ARHGAP26: variants seen among roughly 807,000 people sequenced by gnomAD.
The protein encoded by ARHGAP26 is rho GTPase-activating protein 26.
Under a neutral mutation model 104.8 loss-of-function variants are expected in ARHGAP26, and 38 were observed. The observed-to-expected ratio is 0.36, with a 90% confidence interval of 0.28 to 0.48. The LOEUF is 0.48. ARHGAP26 is among the 20% of genes least tolerant of loss of function. The pLI is 0.99. For missense variants in ARHGAP26, 704 were observed against 947.9 expected, an observed-to-expected ratio of 0.74 and a Z score of 3.38; for synonymous variants, 341 against 340.0, an observed-to-expected ratio of 1.00 and a Z score of -0.03.
intron 1 of ARHGAP26, among the ~76,000 whole-genome samples, chr5:142,783,947 C>T (rs1269145232): frequency 1.3e-5 from 2 of 152,256 alleles, no homozygotes; most frequent in East Asian, 1.9e-4. Flanking sequence ...AGCCACACCA[C>T]CCCTGCTGTG....
intron 20 of ARHGAP26, among the ~76,000 whole-genome samples, chr5:143,150,626 A>G (rs1799736304): frequency 6.6e-6 from 1 of 152,232 alleles, no homozygotes. Context: ...TTCCTCTGGT[A>G]CCACTACCAC....
At chr5:142,974,801 T>C (rs60259893) in intron 11 of ARHGAP26, among the ~76,000 whole-genome samples, 10,231 of 152,276 alleles carry the variant, frequency 0.067, 804 homozygotes, top group African/African-American at 0.19. Flanking sequence ...TATTTAGCAT[T>C]GTGAATAGTT....
intron 20 of ARHGAP26, among the ~76,000 whole-genome samples, chr5:143,198,391 A>G (rs1392714184): frequency 6.6e-6 from 1 of 152,196 alleles, no homozygotes; most frequent in Admixed American, 6.5e-5. Flanking sequence ...TTTTTATTCT[A>G]GGCAGTTCTG....
intron 20 of ARHGAP26, among the ~76,000 whole-genome samples, chr5:143,164,004 C>T (rs1441241441): frequency 1.3e-5 from 2 of 151,406 alleles, no homozygotes; most frequent in African/African-American, 2.4e-5. Context: ...TCCTCCCCAC[C>T]CCATTGCAAC....
intron 1 of ARHGAP26, among the ~76,000 whole-genome samples, chr5:142,817,860 T>C (rs1429208014): frequency 6.6e-6 from 1 of 152,194 alleles, no homozygotes; most frequent in Non-Finnish European, 1.5e-5. Context: ...TTACTTAAAA[T>C]TCCTGGACAG....
intron 9 of ARHGAP26, 75 bp downstream of exon 9, chr5:142,907,879 ACACCTCCAG>A: frequency 1.0e-6 from 1 of 978,466 alleles, no homozygotes; most frequent in Non-Finnish European, 1.5e-6. Flanking sequence ...GTATAAAGTA[ACACCTCCAG>A]TGTTATATTT....
At chr5:142,837,489 T>G in intron 1 of ARHGAP26, among the ~76,000 whole-genome samples, 1 of 152,198 alleles carries the variant, frequency 6.6e-6, no homozygotes, top group Non-Finnish European at 1.5e-5. Context: ...CACGTCTCAC[T>G]TGAGCTTCAC....
chr5:143,022,329 T>C (rs1337656926), intron 12 of ARHGAP26, among the ~76,000 whole-genome samples: 1 of 152,226 alleles, frequency 6.6e-6, no homozygotes, highest in Non-Finnish European at 1.5e-5. Flanking sequence ...TGCCTCGGCC[T>C]CCCAAAGTGT....
intron 1 of ARHGAP26, among the ~76,000 whole-genome samples, chr5:142,804,144 G>A (rs114567471): frequency 1.5e-4 from 23 of 152,236 alleles, no homozygotes; most frequent in African/African-American, 5.3e-4. Flanking sequence ...AATATTGCAA[G>A]TATAGGTTGA....
At chr5:143,147,967 C>A (rs1335839137) in intron 20 of ARHGAP26, among the ~76,000 whole-genome samples, 1 of 152,190 alleles carries the variant, frequency 6.6e-6, no homozygotes, top group Non-Finnish European at 1.5e-5. Context: ...AGTTTGGGGG[C>A]TGGTTGTCTA....
At chr5:142,793,037 T>C (rs1350967624) in intron 1 of ARHGAP26, among the ~76,000 whole-genome samples, 1 of 152,070 alleles carries the variant, frequency 6.6e-6, no homozygotes, top group African/African-American at 2.4e-5. Context: ...CATCAGGGGC[T>C]TTGTCAGCTG....
intron 20 of ARHGAP26, among the ~76,000 whole-genome samples, chr5:143,178,384 C>T (rs1437117292): frequency 6.6e-6 from 1 of 152,092 alleles, no homozygotes; most frequent in South Asian, 2.1e-4. Context: ...TGAATCAGTA[C>T]CCAGAAGAAG....
intron 1 of ARHGAP26, among the ~76,000 whole-genome samples, chr5:142,870,583 G>T (rs1394616407): frequency 6.6e-6 from 1 of 152,120 alleles, no homozygotes; most frequent in Admixed American, 6.5e-5. Context: ...ACCTTTCCTG[G>T]TTCCTCTTAC....
intron 1 of ARHGAP26, among the ~76,000 whole-genome samples, chr5:142,800,418 G>A (rs1206359746): frequency 6.6e-6 from 1 of 150,682 alleles, no homozygotes; most frequent in Non-Finnish European, 1.5e-5. Flanking sequence ...CACCCAGGAT[G>A]GAGTGCAATA....
chr5:143,172,450 T>C (rs1802908976), intron 20 of ARHGAP26, among the ~76,000 whole-genome samples: 1 of 152,168 alleles, frequency 6.6e-6, no homozygotes, highest in Non-Finnish European at 1.5e-5. Flanking sequence ...ATGGGATGTA[T>C]AGTTCAATTG....
chr5:142,956,098 G>A (rs549894460), intron 11 of ARHGAP26, among the ~76,000 whole-genome samples: 21 of 152,302 alleles, frequency 1.4e-4, no homozygotes, highest in African/African-American at 4.8e-4. Context: ...GTGGGCCAAG[G>A]CATCCTTGTT....
chr5:142,948,948 T>G (rs1767597537), intron 11 of ARHGAP26, among the ~76,000 whole-genome samples: 2 of 151,632 alleles, frequency 1.3e-5, no homozygotes, highest in Non-Finnish European at 2.9e-5. Flanking sequence ...CTACTAAAAA[T>G]ACAAAAATTA....
intron 12 of ARHGAP26, among the ~76,000 whole-genome samples, chr5:143,023,134 G>A (rs754349639): frequency 6.6e-6 from 1 of 152,174 alleles, no homozygotes; most frequent in Non-Finnish European, 1.5e-5. Context: ...CAGGGATTTG[G>A]CAACACAACA....
intron 8 of ARHGAP26, among the ~76,000 whole-genome samples, chr5:142,904,738 T>G (rs1473582912): frequency 2.0e-5 from 3 of 152,282 alleles, no homozygotes; most frequent in Admixed American, 1.3e-4. Flanking sequence ...AAGTGAATGT[T>G]TTTTTCTTTA....
Sources: allele counts gnomAD v4.1 joint callset (sites outside exome capture counted in the v4.1 genomes callset), GRCh38; gene constraint gnomAD v4.1.1; transcripts MANE v1.5; gene names NCBI Gene and HGNC (gene_info 2026-07-23, HGNC 2026-07-21).